The following KCNQ5 variants were observed in gnomAD, a reference collection of about 807,000 sequenced individuals.
KCNQ5 encodes potassium voltage-gated channel subfamily Q member 5.
Under a neutral mutation model 98.2 loss-of-function variants are expected in KCNQ5, and 30 were observed. That is an observed-to-expected ratio of 0.31 (90% CI 0.23 to 0.41). KCNQ5 has a LOEUF of 0.41. Among genes scored for constraint, KCNQ5 ranks in the 10% least tolerant of loss-of-function variants. The pLI, the probability that KCNQ5 is intolerant of heterozygous loss-of-function variation, is 1.00. For synonymous variants in KCNQ5, 458 were observed against 449.4 expected, an observed-to-expected ratio of 1.02 and a Z score of -0.24; for missense variants, 835 against 1,182.5, an observed-to-expected ratio of 0.71 and a Z score of 4.31.
chr6:72,706,507 A>T (rs1769092533), intron 1 of KCNQ5, among the ~76,000 whole-genome samples: 1 of 152,072 alleles, frequency 6.6e-6, no homozygotes, highest in Non-Finnish European at 1.5e-5. Context: ...ATATTTACAT[A>T]TTTTTAATCA....
intron 1 of KCNQ5, among the ~76,000 whole-genome samples, chr6:72,953,654 T>C (rs754414806): frequency 4.2e-4 from 64 of 152,284 alleles, no homozygotes; most frequent in Non-Finnish European, 7.6e-4. Context: ...TAAGAAATCT[T>C]GGACTGTTTG....
chr6:72,895,738 C>T (rs1177621127), intron 1 of KCNQ5, among the ~76,000 whole-genome samples: 1 of 149,864 alleles, frequency 6.7e-6, no homozygotes, highest in Non-Finnish European at 1.5e-5. Flanking sequence ...CATAATAGGC[C>T]TAATGCATTT....
chr6:72,721,840 C>T (rs770035796), intron 1 of KCNQ5, among the ~76,000 whole-genome samples: 2 of 152,116 alleles, frequency 1.3e-5, no homozygotes, highest in African/African-American at 4.8e-5. Flanking sequence ...TATGGCTGTC[C>T]TACCTTATGG....
At chr6:73,005,174 G>A (rs11967818) in intron 2 of KCNQ5, among the ~76,000 whole-genome samples, 15 of 152,276 alleles carry the variant, frequency 9.9e-5, no homozygotes, top group Admixed American at 2.0e-4. Flanking sequence ...TAAGGTTACC[G>A]TTTCAAAGCC....
intron 1 of KCNQ5, among the ~76,000 whole-genome samples, chr6:72,907,563 T>C (rs1429369583): frequency 6.6e-6 from 1 of 152,208 alleles, no homozygotes; most frequent in African/African-American, 2.4e-5. Flanking sequence ...TTTATCTTAC[T>C]ATAAGTAAAA....
At chr6:72,759,429 G>A (rs568145772) in intron 1 of KCNQ5, among the ~76,000 whole-genome samples, 2 of 152,154 alleles carry the variant, frequency 1.3e-5, no homozygotes, top group Admixed American at 1.3e-4. Flanking sequence ...GTTAAAGGAG[G>A]GCCATACAAT....
chr6:73,146,626 CAAAAAA>C (rs58798764), intron 10 of KCNQ5, among the ~76,000 whole-genome samples: 2,613 of 28,236 alleles, frequency 0.093, 19 homozygotes, highest in East Asian at 0.18. Context: ...GTCCCTGTCT[CAAAAAA>C]AAAAAAAAAA....
At chr6:72,648,972 C>T (rs2154472303) in intron 1 of KCNQ5, among the ~76,000 whole-genome samples, 1 of 152,164 alleles carries the variant, frequency 6.6e-6, no homozygotes, top group East Asian at 1.9e-4. Context: ...GTTCAGAGAT[C>T]CTCAGTTTTA....
chr6:72,841,577 A>T (rs1004080741), intron 1 of KCNQ5, among the ~76,000 whole-genome samples: 1 of 152,176 alleles, frequency 6.6e-6, no homozygotes, highest in African/African-American at 2.4e-5. Context: ...TCCTAAAACG[A>T]ACTGTTAAAG....
At chr6:72,950,987 C>A (rs1766776594) in intron 1 of KCNQ5, among the ~76,000 whole-genome samples, 1 of 152,148 alleles carries the variant, frequency 6.6e-6, no homozygotes, top group Admixed American at 6.5e-5. Context: ...TTTGTTACTG[C>A]TGCTTAGAGC....
intron 1 of KCNQ5, among the ~76,000 whole-genome samples, chr6:72,687,466 A>G (rs1169947868): frequency 1.3e-5 from 2 of 152,240 alleles, no homozygotes; most frequent in Non-Finnish European, 2.9e-5. Flanking sequence ...GCCTTCAAGG[A>G]GCACATGGCT....
chr6:72,667,041 T>G (rs1766855868), intron 1 of KCNQ5, among the ~76,000 whole-genome samples: 1 of 152,178 alleles, frequency 6.6e-6, no homozygotes, highest in African/African-American at 2.4e-5. Flanking sequence ...CAAATATTCA[T>G]TAGGAAATAA....
intron 1 of KCNQ5, among the ~76,000 whole-genome samples, chr6:72,923,484 A>T (rs1582024521): frequency 1.3e-5 from 2 of 152,164 alleles, no homozygotes; most frequent in South Asian, 4.1e-4. Context: ...CCTGATGATT[A>T]GTGATGCTAA....
At chr6:73,107,213 A>G (rs1775039541) in intron 6 of KCNQ5, among the ~76,000 whole-genome samples, 1 of 152,222 alleles carries the variant, frequency 6.6e-6, no homozygotes, top group Non-Finnish European at 1.5e-5. Flanking sequence ...ACTATGAACA[A>G]GGAGGTAGGC....
At chr6:73,170,858 C>T (rs1164918871) in intron 11 of KCNQ5, among the ~76,000 whole-genome samples, 4 of 151,982 alleles carry the variant, frequency 2.6e-5, no homozygotes, top group Non-Finnish European at 5.9e-5. Flanking sequence ...CTCTTGAGCC[C>T]GGGAGATGGA....
At position 73,151,742 on chromosome 6, in the gene KCNQ5, A is replaced by G. The variant is rs371929759; in HGVS notation, c.1469-18004A>G. 2.2e-3 allele frequency among the ~76,000 whole-genome samples: 338 copies of G among 152,330 alleles called. 2 individuals are homozygous for G. The highest frequency in any genetic ancestry group is 7.8e-3 in the African/African-American group (326 of 41,578). On this transcript the variant is annotated intron_variant, in intron 10 of 13. Coordinates refer to ENST00000370398, the MANE Select transcript of KCNQ5 (RefSeq NM_019842.4). ...GCTGGCTGCTCTCTAAGCCTACTGCACAGCCATTATCTTTTGAATTCCCTT... is the reference window on the plus strand; with the variant it reads ...GCTGGCTGCTCTCTAAGCCTACTGCGCAGCCATTATCTTTTGAATTCCCTT...
intron 2 of KCNQ5, among the ~76,000 whole-genome samples, chr6:73,014,803 G>A (rs1040077249): frequency 6.6e-6 from 1 of 151,794 alleles, no homozygotes; most frequent in Admixed American, 6.6e-5. Context: ...TTTTTAATGC[G>A]GGCACATGCA....
At chr6:73,055,044 C>T in intron 3 of KCNQ5, 2 of 581,746 alleles carry the variant, frequency 3.4e-6, no homozygotes, top group South Asian at 3.5e-5. Context: ...TGTGCACCAA[C>T]AACATCCAAG....
chr6:72,636,277 T>G lies in KCNQ5; in HGVS notation c.398+13690T>G, dbSNP rs573910414. ...TTACCCCAGTGGCTGTTATAATCAT[T>G]AGGAGTTTCTTTACTCAGTGAGCCA... On this transcript the variant is annotated intron_variant, in intron 1 of 13. Transcript: ENST00000370398. Among the ~76,000 whole-genome samples, 16 of 152,292 alleles carry G rather than the reference T, an allele frequency of 1.1e-4. No individual in the cohort carries two copies. In the South Asian group the frequency reaches 3.1e-3, roughly 30 times the overall value.
Sources: gnomAD v4.1 joint callset for allele counts (sites outside exome capture counted in the v4.1 genomes callset) on GRCh38, gnomAD v4.1.1 for gene constraint, MANE v1.5 for transcripts, NCBI Gene and HGNC (gene_info 2026-07-23, HGNC 2026-07-21) for gene names.